DPP10: variants seen among roughly 807,000 people sequenced by gnomAD.
The protein encoded by DPP10 is dipeptidyl peptidase like 10.
Under a neutral mutation model 120.9 loss-of-function variants are expected in DPP10, and 33 were observed. The ratio of observed to expected loss-of-function variants is 0.27; its 90% CI spans 0.21 to 0.37. The LOEUF is 0.37. DPP10 is among the 10% of genes least tolerant of loss of function. DPP10 has a pLI of 1.00. For synonymous variants in DPP10, 337 were observed against 326.1 expected (o/e 1.03, Z -0.36); for missense variants, 816 against 942.8 (o/e 0.87, Z 1.76).
intron 1 of DPP10, among the ~76,000 whole-genome samples, chr2:114,447,116 C>A (rs1397219563): frequency 6.6e-6 from 1 of 150,860 alleles, no homozygotes; most frequent in African/African-American, 2.4e-5. Context: ...CCTGCCTCAG[C>A]CTCCCGAGTA....
At chr2:115,770,872 A>C (rs1477335083) in intron 13 of DPP10, among the ~76,000 whole-genome samples, 2 of 152,038 alleles carry the variant, frequency 1.3e-5, no homozygotes, top group Non-Finnish European at 2.9e-5. Flanking sequence ...TTTTCATGAG[A>C]AATATATGAT....
At chr2:115,080,235 C>T (rs1178464457) in intron 1 of DPP10, among the ~76,000 whole-genome samples, 2 of 152,156 alleles carry the variant, frequency 1.3e-5, no homozygotes, top group Admixed American at 1.3e-4. Context: ...CCAGGCTGAT[C>T]GTGAACTCCT....
intron 1 of DPP10, among the ~76,000 whole-genome samples, chr2:114,497,423 CTATATATATATGCATA>C (rs1210332574): frequency 4.0e-5 from 4 of 98,994 alleles, no homozygotes; most frequent in African/African-American, 1.4e-4. Context: ...ACATATGCAT[CTATATATATATGCATA>C]TATATAGATG....
At chr2:115,272,023 T>G (rs2059720503) in intron 1 of DPP10, among the ~76,000 whole-genome samples, 1 of 152,224 alleles carries the variant, frequency 6.6e-6, no homozygotes, top group Admixed American at 6.5e-5. Flanking sequence ...TTAGTTATAT[T>G]CACATTCTCT....
intron 3 of DPP10, among the ~76,000 whole-genome samples, chr2:115,406,739 G>T (rs773392063): frequency 2.0e-5 from 3 of 151,926 alleles, no homozygotes; most frequent in Admixed American, 1.3e-4. Context: ...GGAAGGAAAA[G>T]ATAACAATTA....
At chr2:115,368,117 A>G (rs546925795) in intron 3 of DPP10, among the ~76,000 whole-genome samples, 3 of 152,252 alleles carry the variant, frequency 2.0e-5, no homozygotes, top group Admixed American at 6.5e-5. Flanking sequence ...ACTCCTTACA[A>G]TATTAGTTTT....
At chr2:115,262,155 A>G (rs1188762241) in intron 1 of DPP10, among the ~76,000 whole-genome samples, 1 of 152,174 alleles carries the variant, frequency 6.6e-6, no homozygotes, top group Non-Finnish European at 1.5e-5. Flanking sequence ...TATGTCTTTT[A>G]ATAGGAAGAG....
Position 115,343,804 on chromosome 2 carries a change from T to G in DPP10, c.176-13T>G. 1 of 1,591,492 alleles carries G rather than the reference T, an allele frequency of 6.3e-7. No homozygotes were observed. Among genetic ancestry groups the G allele is most frequent in the African/African-American group, 1.4e-5 (1 of 73,888 alleles). ...TAAGATAGGCATCTAACCTAGAATT[T>G]CCTTTATTTTAGATGAACTCACAAA... On this transcript the variant is annotated splice_polypyrimidine_tract_variant and intron_variant, in intron 2 of 25. Transcript: ENST00000410059.
chr2:115,495,313 A>T (rs1265709407), intron 3 of DPP10, among the ~76,000 whole-genome samples: 2 of 132,978 alleles, frequency 1.5e-5, no homozygotes, highest in Non-Finnish European at 3.1e-5. Context: ...TGAGCCATTT[A>T]CCCAGTTTTA....
intron 1 of DPP10, among the ~76,000 whole-genome samples, chr2:115,172,434 CAG>C (rs1198864455): frequency 6.6e-6 from 1 of 150,898 alleles, no homozygotes; most frequent in Admixed American, 6.6e-5. Context: ...TATTTCCAGA[CAG>C]AGTTTTCAGA....
At chr2:114,667,121 C>T (rs573319148) in intron 1 of DPP10, among the ~76,000 whole-genome samples, 54 of 152,272 alleles carry the variant, frequency 3.5e-4, no homozygotes, top group Middle Eastern at 6.8e-3. Flanking sequence ...AAAATAAGGC[C>T]TGGCTGGATT....
chr2:115,816,498 T>C (rs1687241308), intron 21 of DPP10, among the ~76,000 whole-genome samples: 1 of 152,246 alleles, frequency 6.6e-6, no homozygotes, highest in Non-Finnish European at 1.5e-5. Flanking sequence ...ATCTGTGCTC[T>C]CTGCACGATA....
At chr2:115,368,885 CTTCT>C (rs2065235891) in intron 3 of DPP10, among the ~76,000 whole-genome samples, 1 of 151,372 alleles carries the variant, frequency 6.6e-6, no homozygotes, top group African/African-American at 2.4e-5. Flanking sequence ...TATCAACAAA[CTTCT>C]TTTCTATGGT....
intron 1 of DPP10, among the ~76,000 whole-genome samples, chr2:115,289,887 A>G (rs981163270): frequency 6.6e-6 from 1 of 152,170 alleles, no homozygotes; most frequent in African/African-American, 2.4e-5. Flanking sequence ...CTGAAACCTT[A>G]CAAATTCTAG....
At chr2:114,825,142 C>T (rs1574275827) in intron 1 of DPP10, among the ~76,000 whole-genome samples, 1 of 152,308 alleles carries the variant, frequency 6.6e-6, no homozygotes, top group East Asian at 1.9e-4. Flanking sequence ...TTGGTAACCT[C>T]ATCTGTCAGT....
chr2:115,733,309 A>G (rs749428900), intron 8 of DPP10, among the ~76,000 whole-genome samples: 1 of 152,166 alleles, frequency 6.6e-6, no homozygotes, highest in African/African-American at 2.4e-5. Context: ...ACAAATATTT[A>G]TTGAGCACTT....
rs142792351 is a variant in DPP10, at chr2:115,676,045, G to A, written c.442-13642G>A. Reference sequence around the variant, plus strand: ...ACAGTGAGGAAGCTTTCCCCCGGACGGAGAAAGCTGACATGCATATTCCCC... The same window carrying A: ...ACAGTGAGGAAGCTTTCCCCCGGACAGAGAAAGCTGACATGCATATTCCCC... On this transcript the variant is annotated intron_variant, in intron 5 of 25. Coordinates refer to ENST00000410059, the MANE Select transcript of DPP10 (RefSeq NM_020868.6). Among the ~76,000 whole-genome samples the A allele has an allele frequency of 3.1e-3, 466 of 152,238 alleles. 2 individuals carry two copies. Among genetic ancestry groups the A allele is most frequent in the Middle Eastern group, 0.01 (3 of 294 alleles).
chr2:115,276,730 A>G (rs939631775), intron 1 of DPP10, among the ~76,000 whole-genome samples: 3 of 152,220 alleles, frequency 2.0e-5, no homozygotes, highest in Non-Finnish European at 4.4e-5. Context: ...CAAGTATGAG[A>G]GATTTTGGCA....
At chr2:115,460,972 A>G (rs182640010) in intron 3 of DPP10, among the ~76,000 whole-genome samples, 8 of 152,306 alleles carry the variant, frequency 5.3e-5, no homozygotes, top group Admixed American at 5.2e-4. Flanking sequence ...TTTCAGAGTT[A>G]TGGGGGATTG....
Sources: gnomAD v4.1 joint callset for allele counts (sites outside exome capture counted in the v4.1 genomes callset) on GRCh38, gnomAD v4.1.1 for gene constraint, MANE v1.5 for transcripts, NCBI Gene and HGNC (gene_info 2026-07-23, HGNC 2026-07-21) for gene names.